Variants in PPEF1 observed in about 807,000 individuals in gnomAD.
PPEF1 encodes protein phosphatase with EF-hand domain 1.
Under a neutral mutation model 53.3 loss-of-function variants are expected in PPEF1, and 12 were observed. The ratio of observed to expected loss-of-function variants is 0.23; its 90% confidence interval spans 0.14 to 0.36. The LOEUF (loss-of-function observed/expected upper bound fraction) is 0.36. Among genes scored for constraint, PPEF1 ranks in the 10% least tolerant of loss-of-function variants. The pLI is 1.00. For missense variants in PPEF1, 334 were observed against 490.4 expected (o/e 0.68, Z 3.01); for synonymous variants, 165 against 176.7 (o/e 0.93, Z 0.52).
intron 6 of PPEF1, among the ~76,000 whole-genome samples, chrX:18,776,549 T>G (rs2045969587): frequency 8.9e-6 from 1 of 111,796 alleles, no homozygotes; most frequent in Non-Finnish European, 1.9e-5. Context: ...CTTTACGTTT[T>G]GATGAACGAT....
chrX:18,770,935 T>A (rs1389266416), intron 6 of PPEF1, among the ~76,000 whole-genome samples: 1 of 112,769 alleles, frequency 8.9e-6, no homozygotes, highest in African/African-American at 3.2e-5. Context: ...ATAATTTGAA[T>A]CCCTGGGTTG....
intron 12 of PPEF1, among the ~76,000 whole-genome samples, chrX:18,810,180 T>C (rs780652034): frequency 9.1e-6 from 1 of 110,021 alleles, no homozygotes; most frequent in South Asian, 3.9e-4. Flanking sequence ...ATGGAATTTA[T>C]ATGTTTAAAA....
At chrX:18,798,483 G>A (rs1189757835) in intron 10 of PPEF1, among the ~76,000 whole-genome samples, 1 of 111,980 alleles carries the variant, frequency 8.9e-6, no homozygotes. Context: ...TTTCTGAAGG[G>A]ATAGATGAGA....
In PPEF1 at chrX:18,803,783, A is replaced by C. The variant is rs774887790; in HGVS notation, c.1066-109A>C. ...GAAACAATTTTCAAGGAAGAATGAG[A>C]AGTGGTCTTTGGGATACCTTGGGTT... On this transcript the variant is annotated intron_variant, in intron 10 of 15. Transcript: ENST00000470157. 5.5e-5 allele frequency: 41 copies of C among 747,347 alleles called. No individual in the cohort carries two copies. In the South Asian group the frequency reaches 1.0e-3, roughly 19 times the overall value. The allele number at this position is 747,347 out of a possible 1,213,427, so 61.6% of individuals were successfully genotyped here.
At chrX:18,744,442 G>T (rs929285544) in intron 3 of PPEF1, among the ~76,000 whole-genome samples, 3 of 111,462 alleles carry the variant, frequency 2.7e-5, no homozygotes, top group African/African-American at 9.8e-5. Flanking sequence ...ACTCCATGGG[G>T]TGTAGAGACT....
upstream of PPEF1, among the ~76,000 whole-genome samples, chrX:18,679,289 G>C (rs777984531): frequency 9.0e-6 from 1 of 111,379 alleles, no homozygotes; most frequent in African/African-American, 3.3e-5. Flanking sequence ...TTTTGGCCAG[G>C]CTGTTCTTAA....
intron 12 of PPEF1, among the ~76,000 whole-genome samples, chrX:18,806,853 C>T (rs1288538296): frequency 8.9e-6 from 1 of 112,034 alleles, no homozygotes. Flanking sequence ...CCTTCTCTGA[C>T]CCACAAACAG....
At chrX:18,730,145 GT>G in intron 1 of PPEF1, 35 bp from the exon 2 acceptor site, 1 of 1,183,243 alleles carries the variant, frequency 8.5e-7, no homozygotes, top group African/African-American at 1.8e-5. Flanking sequence ...CATAGTAACT[GT>G]TTTTCTTTGA....
chrX:18,795,434 C>A (rs2046413951), intron 10 of PPEF1, among the ~76,000 whole-genome samples: 1 of 112,375 alleles, frequency 8.9e-6, no homozygotes, highest in African/African-American at 3.2e-5. Context: ...TGTCTATAAA[C>A]ATGGATGTAA....
At chrX:18,808,820 G>A (rs2046739261) in intron 12 of PPEF1, among the ~76,000 whole-genome samples, 1 of 111,246 alleles carries the variant, frequency 9.0e-6, no homozygotes, top group Non-Finnish European at 1.9e-5. Flanking sequence ...ATATGGATTA[G>A]TACAGCCATT....
At chrX:18,813,429 A>G (rs1173505734) in intron 12 of PPEF1, among the ~76,000 whole-genome samples, 1 of 110,405 alleles carries the variant, frequency 9.1e-6, no homozygotes, top group African/African-American at 3.3e-5. Flanking sequence ...ATCTTGTACA[A>G]TCTTGATTAA....
At chrX:18,756,247 T>C (rs2045547599) in intron 4 of PPEF1, among the ~76,000 whole-genome samples, 1 of 111,076 alleles carries the variant, frequency 9.0e-6, no homozygotes, top group South Asian at 3.9e-4. Context: ...TGGCGCAATC[T>C]TGGCTCACTG....
intron 10 of PPEF1, among the ~76,000 whole-genome samples, chrX:18,801,983 C>CA (rs1208583667): frequency 0.08 from 4,040 of 50,455 alleles, 239 homozygotes; most frequent in African/African-American, 0.24. Flanking sequence ...GACTCCATCA[C>CA]AAAAAAAAAA....
At chrX:18,809,282 C>T (rs989270084) in intron 12 of PPEF1, among the ~76,000 whole-genome samples, 1 of 110,260 alleles carries the variant, frequency 9.1e-6, no homozygotes, top group African/African-American at 3.3e-5. Context: ...TTTAAGTCAT[C>T]TCTAAATTAC....
intron 3 of PPEF1, among the ~76,000 whole-genome samples, chrX:18,742,486 C>G (rs1057097722): frequency 6.3e-5 from 7 of 111,664 alleles, no homozygotes; most frequent in African/African-American, 2.3e-4. Context: ...CAGTTGAGCT[C>G]ACTCATCTAG....
Position 18,785,837 on chromosome X carries a change from G to A in PPEF1, c.912+1789G>A, listed in dbSNP as rs745882137. ...TTTGAGATTGCAGTGAGCTATGATC[G>A]CACCACTGCACTCCAGCCTGCATGA... On this transcript the variant is annotated intron_variant, in intron 9 of 15. Coordinates refer to ENST00000470157, the MANE Select transcript of PPEF1 (RefSeq NM_001377996.1). Among the ~76,000 whole-genome samples, 45 of 111,138 alleles carry A rather than the reference G, an allele frequency of 4.0e-4. 1 individual carries two copies. The highest frequency in any genetic ancestry group is 8.6e-4 in the Admixed American group (9 of 10,440).
intron 1 of PPEF1, among the ~76,000 whole-genome samples, chrX:18,719,616 G>A (rs968382900): frequency 9.0e-6 from 1 of 110,808 alleles, no homozygotes; most frequent in African/African-American, 3.3e-5. Flanking sequence ...CAAAGTACTA[G>A]GATTACAGTC....
intron 4 of PPEF1, among the ~76,000 whole-genome samples, chrX:18,695,788 T>C (rs894742039): frequency 2.7e-5 from 3 of 112,405 alleles, no homozygotes; most frequent in Admixed American, 9.4e-5. Flanking sequence ...CAAGGAAAGC[T>C]CAACTTTTGT....
chrX:18,824,799 G>A (rs747187300), intron 14 of PPEF1, among the ~76,000 whole-genome samples: 1 of 109,993 alleles, frequency 9.1e-6, no homozygotes, highest in Admixed American at 9.8e-5. Context: ...AAGTAGCTGA[G>A]ATTACAGGCG....
Sources: allele counts gnomAD v4.1 joint callset (sites outside exome capture counted in the v4.1 genomes callset), GRCh38; gene constraint gnomAD v4.1.1; transcripts MANE v1.5; gene names NCBI Gene and HGNC (gene_info 2026-07-23, HGNC 2026-07-21).